The following FAM135B variants were observed in gnomAD, a reference collection of about 807,000 sequenced individuals.
FAM135B encodes family with sequence similarity 135 member B, also known as protein FAM135B.
A neutral mutation model predicts 127.7 loss-of-function variants in FAM135B; 43 were observed. That is an observed-to-expected ratio of 0.34 (90% CI 0.26 to 0.43). The LOEUF is 0.43. FAM135B is among the 20% of genes least tolerant of loss of function. The probability of loss-of-function intolerance (pLI) is 1.00; values close to 1 mark genes in which losing one functional copy is unlikely to be tolerated. For missense variants in FAM135B, 1,558 were observed against 1,725.6 expected, an observed-to-expected ratio of 0.90 and a Z score of 1.72; for synonymous variants, 670 against 665.1, an observed-to-expected ratio of 1.01 and a Z score of -0.11.
chr8:138,458,045 G>A (rs984405858), intron 1 of FAM135B, among the ~76,000 whole-genome samples: 2 of 151,794 alleles, frequency 1.3e-5, no homozygotes, highest in Admixed American at 6.6e-5. Flanking sequence ...CTAGCTACAT[G>A]AGAGGTTGAG....
chr8:138,495,671 G>A (rs996298150), intron 1 of FAM135B, among the ~76,000 whole-genome samples: 9 of 152,128 alleles, frequency 5.9e-5, no homozygotes, highest in Non-Finnish European at 1.0e-4. Context: ...TCCTTCTTCC[G>A]GGGCCCTGGT....
At chr8:138,354,176 A>C (rs749621764) in intron 2 of FAM135B, among the ~76,000 whole-genome samples, 2 of 152,096 alleles carry the variant, frequency 1.3e-5, no homozygotes, top group Non-Finnish European at 2.9e-5. Flanking sequence ...CATACAATCA[A>C]GCAACTCCCT....
chr8:138,450,890 T>G (rs1836445895), intron 1 of FAM135B: 1 of 152,216 alleles, frequency 6.6e-6, no homozygotes, highest in South Asian at 2.1e-4. Context: ...CTACGTGAAT[T>G]ATCTAATTTA....
At chr8:138,250,327 T>C (rs535167091) in intron 6 of FAM135B, among the ~76,000 whole-genome samples, 19 of 152,178 alleles carry the variant, frequency 1.2e-4, no homozygotes, top group Non-Finnish European at 2.5e-4. Context: ...TACTCCAGCC[T>C]GGGCAACAAG....
chr8:138,232,256 G>C (rs1414941929), intron 7 of FAM135B, among the ~76,000 whole-genome samples: 1 of 148,672 alleles, frequency 6.7e-6, no homozygotes, highest in Non-Finnish European at 1.5e-5. Context: ...GTGGGGGGGA[G>C]CCCTGGACTG....
At chr8:138,395,664 T>G (rs1832809406) in intron 1 of FAM135B, among the ~76,000 whole-genome samples, 1 of 152,192 alleles carries the variant, frequency 6.6e-6, no homozygotes, top group Non-Finnish European at 1.5e-5. Flanking sequence ...AATAATATGC[T>G]CAGCCCTGGA....
chr8:138,141,516 A>C lies in FAM135B; in HGVS notation c.3639-167T>G, dbSNP rs373203643. Among the ~76,000 whole-genome samples, 207 of 152,278 alleles carry C rather than the reference A, an allele frequency of 1.4e-3. No homozygotes were observed. Among genetic ancestry groups the C allele is most frequent in the Middle Eastern group, 6.8e-3 (2 of 294 alleles). ...ACTCAACCTCATCAGGTTTCAAAAC[A>C]CTGGCCATGAGAAGCCTGAGATGGG... On this transcript the variant is annotated intron_variant, in intron 16 of 19. Transcript: ENST00000395297. The surrounding 1 kb of genome is among the most constrained non-coding windows in gnomAD (Gnocchi z 4.7).
intron 1 of FAM135B, among the ~76,000 whole-genome samples, chr8:138,433,945 C>T (rs2131517541): frequency 6.6e-6 from 1 of 152,284 alleles, no homozygotes; most frequent in Non-Finnish European, 1.5e-5. Context: ...GGAGCAGCTG[C>T]AGAAGACACA....
intron 1 of FAM135B, among the ~76,000 whole-genome samples, chr8:138,380,982 C>A (rs1034994019): frequency 1.6e-4 from 23 of 141,108 alleles, no homozygotes; most frequent in Admixed American, 6.3e-4. Flanking sequence ...AAAAAACAAA[C>A]AAACAAAAAA....
chr8:138,232,659 T>C (rs1395927465), intron 7 of FAM135B, among the ~76,000 whole-genome samples: 1 of 152,222 alleles, frequency 6.6e-6, no homozygotes, highest in Non-Finnish European at 1.5e-5. Context: ...GCAAAAGTGC[T>C]TGACATCTTA....
chr8:138,385,685 G>T (rs1832157064), intron 1 of FAM135B, among the ~76,000 whole-genome samples: 2 of 152,032 alleles, frequency 1.3e-5, no homozygotes, highest in South Asian at 4.1e-4. Context: ...GGTGGTGGGT[G>T]CCTGTAATCC....
At chr8:138,319,648 T>C (rs1333409787) in intron 2 of FAM135B, among the ~76,000 whole-genome samples, 3 of 152,122 alleles carry the variant, frequency 2.0e-5, no homozygotes, top group Non-Finnish European at 4.4e-5. Flanking sequence ...GTAACAAAAA[T>C]AGTCATCCTT....
chr8:138,449,350 C>T (rs1836366234), intron 1 of FAM135B, among the ~76,000 whole-genome samples: 1 of 151,906 alleles, frequency 6.6e-6, no homozygotes, highest in Admixed American at 6.6e-5. Context: ...ATCCAAGGAG[C>T]AAGAAGGGAG....
In FAM135B at chr8:138,256,716, T is replaced by A; in HGVS notation, c.341A>T (p.Asp114Val). Residue 114 changes from aspartate (D) to valine (V), a missense_variant, in exon 5 of 20, where the codon GAT (aspartate) becomes GTT (valine). This residue lies in a region of FAM135B where 199 missense variants were observed against 245.7 expected (regional missense o/e 0.81). Coordinates refer to ENST00000395297, the MANE Select transcript of FAM135B (RefSeq NM_015912.4). ...LSEVDFQLKV[D>V]LHFTDSEQQL... Reference sequence around the variant, plus strand: ...CTGTTCACTGTCCGTAAAGTGCAGATCCACCTTGAGTTGAAAATCTACTTC... The same window carrying A: ...CTGTTCACTGTCCGTAAAGTGCAGAACCACCTTGAGTTGAAAATCTACTTC... 6.2e-7 allele frequency: 1 copy of A among 1,614,026 alleles called. No individual in the cohort carries two copies. Among genetic ancestry groups the A allele is most frequent in the Non-Finnish European group, 8.5e-7 (1 of 1,179,940 alleles).
chr8:138,238,928 C>T (rs772628196), intron 7 of FAM135B, among the ~76,000 whole-genome samples: 27 of 152,130 alleles, frequency 1.8e-4, no homozygotes, highest in Non-Finnish European at 3.4e-4. Context: ...ACTCCATGAG[C>T]AAGTTCAAAG....
chr8:138,420,122 G>A lies in FAM135B; in HGVS notation c.-19-52120C>T, dbSNP rs115532347. ...GGACTAATAAAGAAAAAAGGGAGAA[G>A]ATACACATAATCATAATTAGAAATG... On this transcript the variant is annotated intron_variant, in intron 1 of 19. Coordinates refer to ENST00000395297, the MANE Select transcript of FAM135B (RefSeq NM_015912.4). Among the ~76,000 whole-genome samples the A allele has an allele frequency of 9.8e-3, 1,484 of 151,952 alleles. 25 individuals carry two copies. The highest frequency in any genetic ancestry group is 0.033 in the African/African-American group (1,369 of 41,456).
chr8:138,379,780 G>A (rs1831726428), intron 1 of FAM135B, among the ~76,000 whole-genome samples: 1 of 152,262 alleles, frequency 6.6e-6, no homozygotes, highest in Admixed American at 6.5e-5. Context: ...ATTGAGGTTG[G>A]GGGAGGTTTC....
At chr8:138,155,767 C>T (rs1191283155) in intron 12 of FAM135B, among the ~76,000 whole-genome samples, 1 of 152,122 alleles carries the variant, frequency 6.6e-6, no homozygotes, top group East Asian at 1.9e-4. Flanking sequence ...ATATATGCAC[C>T]CAATACAGGA....
At chr8:138,473,906 T>G (rs1003339464) in intron 1 of FAM135B, among the ~76,000 whole-genome samples, 28 of 152,186 alleles carry the variant, frequency 1.8e-4, no homozygotes, top group African/African-American at 6.8e-4. Context: ...TGTATAAGTG[T>G]GCATAAAACT....
Sources: allele counts gnomAD v4.1 joint callset (sites outside exome capture counted in the v4.1 genomes callset), GRCh38; gene constraint gnomAD v4.1.1; regional missense constraint gnomAD v4.1.1; non-coding constraint Gnocchi (gnomAD v3.1); transcripts MANE v1.5; gene names NCBI Gene and HGNC (gene_info 2026-07-23, HGNC 2026-07-21).